Variants in ARL15 observed in about 807,000 individuals in gnomAD.
The protein encoded by ARL15 is ARF like GTPase 15.
A neutral mutation model predicts 25.2 loss-of-function variants in ARL15; 19 were observed. The observed-to-expected ratio is 0.75, with a 90% CI of 0.53 to 1.10. The LOEUF (loss-of-function observed/expected upper bound fraction) is 1.10. ARL15 is among the 50% of genes least tolerant of loss of function. The pLI is 0.00. For synonymous variants in ARL15, 94 were observed against 86.8 expected (o/e 1.08, Z -0.46); for missense variants, 220 against 246.0 (o/e 0.89, Z 0.71).
At chr5:54,233,179 T>C (rs1756718524) in intron 1 of ARL15, among the ~76,000 whole-genome samples, 1 of 152,202 alleles carries the variant, frequency 6.6e-6, no homozygotes, top group Non-Finnish European at 1.5e-5. Flanking sequence ...TTCTGTGTGA[T>C]GAAATACATA....
chr5:54,274,824 G>T (rs1179646799), intron 1 of ARL15, among the ~76,000 whole-genome samples: 1 of 152,086 alleles, frequency 6.6e-6, no homozygotes, highest in African/African-American at 2.4e-5. Flanking sequence ...AACCCGGGAG[G>T]CAGGGGTTGC....
chr5:54,265,397 A>G (rs1007692810), intron 1 of ARL15, among the ~76,000 whole-genome samples: 2 of 152,172 alleles, frequency 1.3e-5, no homozygotes, highest in Non-Finnish European at 2.9e-5. Context: ...CTTACAGGAC[A>G]TTTTAGGGGA....
intron 1 of ARL15, among the ~76,000 whole-genome samples, chr5:54,198,240 C>G (rs558288054): frequency 2.0e-4 from 31 of 152,144 alleles, no homozygotes; most frequent in African/African-American, 7.0e-4. Context: ...TGGCACAAGA[C>G]AGGGATGCCC....
At chr5:54,155,481 CTA>C (rs1754198759) in intron 2 of ARL15, among the ~76,000 whole-genome samples, 1 of 152,108 alleles carries the variant, frequency 6.6e-6, no homozygotes, top group African/African-American at 2.4e-5. Context: ...TGTCATGTAT[CTA>C]TTTTTCTTAA....
chr5:53,993,509 CTTTTCT>C (rs1185330313), intron 4 of ARL15, among the ~76,000 whole-genome samples: 2 of 152,166 alleles, frequency 1.3e-5, no homozygotes, highest in African/African-American at 4.8e-5. Context: ...TCACAATTTC[CTTTTCT>C]ATCTTTGAAA....
chr5:54,200,492 G>A (rs1755691305), intron 1 of ARL15, among the ~76,000 whole-genome samples: 1 of 151,168 alleles, frequency 6.6e-6, no homozygotes, highest in East Asian at 1.9e-4. Flanking sequence ...AAAAACTTAT[G>A]CCATGACTGG....
chr5:54,040,201 T>A (rs933398028), intron 4 of ARL15, among the ~76,000 whole-genome samples: 6 of 152,216 alleles, frequency 3.9e-5, no homozygotes, highest in African/African-American at 1.4e-4. Flanking sequence ...TGGCACATTC[T>A]TCCTGGCTAA....
intron 4 of ARL15, among the ~76,000 whole-genome samples, chr5:53,993,680 G>T (rs1748577747): frequency 6.6e-6 from 1 of 151,904 alleles, no homozygotes. Context: ...TCCTCTCTCT[G>T]CTACTTTGCA....
intron 4 of ARL15, among the ~76,000 whole-genome samples, chr5:54,073,440 C>CTGA (rs1454693216): frequency 6.6e-6 from 1 of 152,174 alleles, no homozygotes; most frequent in Non-Finnish European, 1.5e-5. Context: ...GACTCAAAGT[C>CTGA]TGAAACAAAC....
chr5:54,261,375 A>G (rs140291628), intron 1 of ARL15, among the ~76,000 whole-genome samples: 223 of 152,304 alleles, frequency 1.5e-3, no homozygotes, highest in Middle Eastern at 3.4e-3. Context: ...ACCCGGCTCA[A>G]ATATATTAAG....
chr5:54,084,118 T>C (rs1163144128), intron 4 of ARL15, among the ~76,000 whole-genome samples: 1 of 152,150 alleles, frequency 6.6e-6, no homozygotes, highest in East Asian at 1.9e-4. Context: ...CACTGGACAT[T>C]AGCCAGGCTA....
intron 4 of ARL15, among the ~76,000 whole-genome samples, chr5:53,909,480 G>A (rs1166036036): frequency 6.6e-6 from 1 of 152,208 alleles, no homozygotes; most frequent in Non-Finnish European, 1.5e-5. Context: ...GCCGAGGTGG[G>A]CAGATCACCT....
At chr5:54,233,516 G>T (rs1271269943) in intron 1 of ARL15, among the ~76,000 whole-genome samples, 1 of 152,164 alleles carries the variant, frequency 6.6e-6, no homozygotes, top group Non-Finnish European at 1.5e-5. Context: ...TTAACATTTG[G>T]AAGATTTACA....
intron 1 of ARL15, among the ~76,000 whole-genome samples, chr5:54,247,578 G>GGA (rs1554050254): frequency 3.5e-5 from 4 of 113,442 alleles, no homozygotes; most frequent in East Asian, 2.8e-4. Context: ...GAAAGGAAGA[G>GGA]AAAAAAAAAA....
At chr5:53,895,368 G>A (rs1272441365) in intron 4 of ARL15, among the ~76,000 whole-genome samples, 1 of 152,176 alleles carries the variant, frequency 6.6e-6, no homozygotes, top group African/African-American at 2.4e-5. Flanking sequence ...ATTAAAGAAA[G>A]CCATATTTTA....
At chr5:53,933,179 TC>T (rs1218081068) in intron 4 of ARL15, among the ~76,000 whole-genome samples, 1 of 152,168 alleles carries the variant, frequency 6.6e-6, no homozygotes, top group African/African-American at 2.4e-5. Flanking sequence ...CTTCATGCTC[TC>T]CAAGAATCTT....
At chr5:54,146,072 T>C (rs912118678) in intron 3 of ARL15, among the ~76,000 whole-genome samples, 9 of 152,202 alleles carry the variant, frequency 5.9e-5, no homozygotes, top group African/African-American at 1.4e-4. Flanking sequence ...CAGACTGTAA[T>C]GCTTCTCAAG....
intron 4 of ARL15, among the ~76,000 whole-genome samples, chr5:54,062,641 T>C (rs1264011150): frequency 6.6e-6 from 1 of 152,196 alleles, no homozygotes; most frequent in Non-Finnish European, 1.5e-5. Flanking sequence ...TCCCCAGCCA[T>C]GTGGAACTGT....
At chr5:53,891,776 T>C (rs1175329493) in intron 4 of ARL15, among the ~76,000 whole-genome samples, 2 of 152,194 alleles carry the variant, frequency 1.3e-5, no homozygotes, top group African/African-American at 4.8e-5. Context: ...TAAGGAGCTT[T>C]GGAAAGTTTT....
Sources: allele counts gnomAD v4.1 joint callset (sites outside exome capture counted in the v4.1 genomes callset), GRCh38; gene constraint gnomAD v4.1.1; transcripts MANE v1.5; gene names NCBI Gene and HGNC (gene_info 2026-07-23, HGNC 2026-07-21).